Variants in TMEM144 observed in about 807,000 individuals in gnomAD.
TMEM144 encodes transmembrane protein 144.
A neutral mutation model predicts 43.6 loss-of-function variants in TMEM144; 39 were observed. The ratio of observed to expected loss-of-function variants is 0.90; its 90% CI spans 0.69 to 1.17. TMEM144 has a LOEUF of 1.17. TMEM144 is among the 50% of genes most tolerant of loss of function. TMEM144 has a pLI of 0.00. For synonymous variants in TMEM144, 154 were observed against 133.6 expected (o/e 1.15, Z -1.06); for missense variants, 417 against 411.9 (o/e 1.01, Z -0.11).
chr4:158,245,825 G>C (rs1735866402), intron 12 of TMEM144, among the ~76,000 whole-genome samples: 1 of 152,068 alleles, frequency 6.6e-6, no homozygotes, highest in African/African-American at 2.4e-5. Flanking sequence ...CCACTCAGAA[G>C]GCTAAGGAGG....
intron 6 of TMEM144, among the ~76,000 whole-genome samples, chr4:158,220,092 C>T (rs888914623): frequency 6.6e-6 from 1 of 152,164 alleles, no homozygotes; most frequent in East Asian, 1.9e-4. Flanking sequence ...ATGGATAGTA[C>T]TGCCTAGAAA....
At position 158,222,148 on chromosome 4, in the gene TMEM144, A is replaced by G. The variant is rs79711831; in HGVS notation, c.413+2758A>G. ...CGTCCCATCCTACCTACCCACTTGT[A>G]TACATGTGATTGTAAAAAATCTCAC... is the stretch of plus-strand genomic sequence containing the variant. On this transcript the variant is annotated intron_variant, in intron 6 of 12. Coordinates refer to ENST00000296529, the MANE Select transcript of TMEM144 (RefSeq NM_018342.5). Among the ~76,000 whole-genome samples the G allele has an allele frequency of 8.6e-3, 1,308 of 152,276 alleles. 17 individuals are homozygous for G. Among genetic ancestry groups the G allele is most frequent in the African/African-American group, 0.029 (1,210 of 41,538 alleles).
chr4:158,227,753 C>T (rs1420281106), intron 6 of TMEM144, among the ~76,000 whole-genome samples: 1 of 152,132 alleles, frequency 6.6e-6, no homozygotes, highest in Non-Finnish European at 1.5e-5. Flanking sequence ...TTACAGGTTA[C>T]CTTGGGCCAT....
At chr4:158,212,872 G>C (rs1227512794) in intron 3 of TMEM144, 96 bp downstream of exon 3, 1 of 990,566 alleles carries the variant, frequency 1.0e-6, no homozygotes, top group Non-Finnish European at 1.6e-6. Context: ...AATAAATCAT[G>C]TTGATCTTGA....
chr4:158,248,082 G>C (rs947575100), intron 12 of TMEM144, among the ~76,000 whole-genome samples: 64 of 141,184 alleles, frequency 4.5e-4, no homozygotes, highest in African/African-American at 1.6e-3. Flanking sequence ...AAGATTACAA[G>C]TATTAAAAGA....
At chr4:158,240,470 C>T (rs147917911) in intron 10 of TMEM144, 52 bp downstream of exon 10, 17 of 1,536,194 alleles carry the variant, frequency 1.1e-5, no homozygotes, top group Non-Finnish European at 1.4e-5. Flanking sequence ...TCATCTACAA[C>T]TCATTTAACT....
chr4:158,247,320 A>G (rs1735940673), intron 12 of TMEM144, among the ~76,000 whole-genome samples: 1 of 152,024 alleles, frequency 6.6e-6, no homozygotes, highest in South Asian at 2.1e-4. Context: ...ATTTCTCCAT[A>G]CTATTATACG....
intron 12 of TMEM144, among the ~76,000 whole-genome samples, chr4:158,245,405 G>A (rs1039997359): frequency 6.6e-6 from 1 of 150,710 alleles, no homozygotes; most frequent in African/African-American, 2.4e-5. Flanking sequence ...ACAACAAAAG[G>A]TACAGTCTCA....
Position 158,235,490 on chromosome 4 carries a change from T to C in TMEM144, c.548T>C (p.Val183Ala). Residue 183 changes from valine (V) to alanine (A), a missense_variant, in exon 8 of 13, where the codon GTA becomes GCA. By Grantham distance (64) the Val-to-Ala change is moderately conservative (BLOSUM62 0). Transcript: ENST00000296529. ...PCSWVDKLST[V>A]HHRIVGCSLA... ...TCCTGGGTGGATAAACTTTCTACAGTACACCACCGCATAGTGTAAGGAGAG... is the reference window on the plus strand; with the variant it reads ...TCCTGGGTGGATAAACTTTCTACAGCACACCACCGCATAGTGTAAGGAGAG... The C allele has an allele frequency of 3.1e-6, 5 of 1,613,926 alleles. No individual in the cohort carries two copies. The highest frequency in any genetic ancestry group is 4.2e-6 in the Non-Finnish European group (5 of 1,179,880).
Position 158,253,445 on chromosome 4 carries a change from G to A in TMEM144, c.956G>A (p.Gly319Asp), listed in dbSNP as rs759671918. Residue 319 changes from glycine (G) to aspartate (D), a missense_variant and splice_region_variant, in exon 13 of 13, where the codon GGT (glycine) becomes GAT (aspartate). Coordinates refer to ENST00000296529, the MANE Select transcript of TMEM144 (RefSeq NM_018342.5). ...CTGTTATTCTTTTTTCTTATTCAGG[G>A]TCTACAAAACTACCTATTAATGATA... is the stretch of plus-strand genomic sequence containing the variant. The part of the protein sequence containing the change: ...WGIFMFKEIK[G>D]LQNYLLMILA... 2 of 1,611,050 alleles carry A rather than the reference G, an allele frequency of 1.2e-6. No homozygotes were observed. The highest frequency in any genetic ancestry group is 1.7e-6 in the Non-Finnish European group (2 of 1,178,178).
chr4:158,244,105 G>T lies in TMEM144; in HGVS notation c.901-191G>T, dbSNP rs191203774. On this transcript the variant is annotated intron_variant, in intron 11 of 12. Transcript: ENST00000296529. The stretch of plus-strand genomic sequence containing the variant: ...ATCAAAATGAAGACCATGAAGAAAA[G>T]AAAATGAAAAAAAGTCTTCATTTTT... 2.4e-3 allele frequency among the ~76,000 whole-genome samples: 362 copies of T among 151,928 alleles called. 2 individuals carry two copies. Among genetic ancestry groups the T allele is most frequent in the African/African-American group, 7.2e-3 (297 of 41,466 alleles).
intron 10 of TMEM144, 119 bp from the exon 11 acceptor site, chr4:158,241,390 G>A: frequency 1.3e-6 from 1 of 764,418 alleles, no homozygotes; most frequent in Non-Finnish European, 2.2e-6. Context: ...TTCCATGTTG[G>A]CCAACAACAT....
chr4:158,244,452 G>C, intron 12 of TMEM144, 103 bp downstream of exon 12: 1 of 869,390 alleles, frequency 1.2e-6, no homozygotes, highest in Non-Finnish European at 1.8e-6. Context: ...CAGGTGGATC[G>C]TGAGGTTAGG....
chr4:158,239,386 C>T (rs1371201004), intron 9 of TMEM144, among the ~76,000 whole-genome samples: 2 of 152,218 alleles, frequency 1.3e-5, no homozygotes, highest in African/African-American at 2.4e-5. Flanking sequence ...ACAGTCCCAT[C>T]TGCTTAAACA....
At chr4:158,212,054 A>G (rs1211410375) in intron 2 of TMEM144, 2 of 152,232 alleles carry the variant, frequency 1.3e-5, no homozygotes, top group East Asian at 1.9e-4. Flanking sequence ...TTCTGCTTCT[A>G]TTCCAGAGGG....
rs777141010 is a variant in TMEM144 at position 158,244,355 on chromosome 4, T to C, written c.954+6T>C. Reference sequence around the variant, plus strand: ...TCATGTTTAAGGAAATAAAGGTATGTACAAGAAAGGGCAGACTTAGAAAAT... The same window carrying C: ...TCATGTTTAAGGAAATAAAGGTATGCACAAGAAAGGGCAGACTTAGAAAAT... On this transcript the variant is annotated splice_donor_region_variant and intron_variant, in intron 12 of 12. Coordinates refer to ENST00000296529, the MANE Select transcript of TMEM144 (RefSeq NM_018342.5). The C allele has an allele frequency of 1.9e-6, 3 of 1,608,418 alleles. No individual in the cohort carries two copies.
intron 11 of TMEM144, 65 bp from the exon 12 acceptor site, chr4:158,244,231 T>C: frequency 8.3e-7 from 1 of 1,209,774 alleles, no homozygotes; most frequent in Non-Finnish European, 1.2e-6. Flanking sequence ...TAACTTACTA[T>C]ATTTATATAG....
At chr4:158,227,240 C>T (rs1428980187) in intron 6 of TMEM144, among the ~76,000 whole-genome samples, 1 of 151,604 alleles carries the variant, frequency 6.6e-6, no homozygotes, top group Non-Finnish European at 1.5e-5. Flanking sequence ...GTGAGGTGTG[C>T]TCACGATGAG....
intron 6 of TMEM144, among the ~76,000 whole-genome samples, chr4:158,223,929 G>A (rs1328786032): frequency 2.0e-5 from 3 of 152,210 alleles, no homozygotes; most frequent in Non-Finnish European, 2.9e-5. Flanking sequence ...TATATACCCA[G>A]TAATGGGATT....
Sources: gnomAD v4.1 joint callset for allele counts (sites outside exome capture counted in the v4.1 genomes callset) on GRCh38, gnomAD v4.1.1 for gene constraint, MANE v1.5 for transcripts, NCBI Gene and HGNC (gene_info 2026-07-23, HGNC 2026-07-21) for gene names.